Variants in NCAM2 observed in about 807,000 individuals in gnomAD.
NCAM2 encodes neural cell adhesion molecule 2.
In NCAM2, 30 loss-of-function variants were observed where a neutral mutation model predicts 98.1. The observed-to-expected ratio is 0.31, with a 90% CI of 0.23 to 0.41. NCAM2 has a LOEUF of 0.41. Ranked by LOEUF, NCAM2 falls within the 10% of genes least tolerant of loss-of-function variation. NCAM2 has a pLI of 1.00. For synonymous variants in NCAM2, 368 were observed against 342.4 expected (o/e 1.07, Z -0.83); for missense variants, 867 against 1,005.8 (o/e 0.86, Z 1.87).
intron 5 of NCAM2, among the ~76,000 whole-genome samples, chr21:21,317,248 C>T (rs2826789): frequency 0.42 from 63,885 of 151,992 alleles, 14,677 homozygotes; most frequent in Non-Finnish European, 0.53. Context: ...TTTAAACAGC[C>T]TCCTGCTATC....
chr21:21,106,563 A>C (rs1402347867), intron 1 of NCAM2, among the ~76,000 whole-genome samples: 1 of 151,914 alleles, frequency 6.6e-6, no homozygotes, highest in Non-Finnish European at 1.5e-5. Context: ...CATTTTCTCC[A>C]AATATTTTCT....
At chr21:21,011,808 A>T (rs1601085303) in intron 1 of NCAM2, among the ~76,000 whole-genome samples, 3 of 138,132 alleles carry the variant, frequency 2.2e-5, no homozygotes, top group African/African-American at 7.5e-5. Context: ...AACCCAATTT[A>T]AAAAAAGGGG....
At chr21:21,265,276 T>C (rs1304757921) in intron 1 of NCAM2, among the ~76,000 whole-genome samples, 5 of 130,608 alleles carry the variant, frequency 3.8e-5, no homozygotes, top group Non-Finnish European at 8.1e-5. Context: ...CACATATATG[T>C]ACACATATGT....
chr21:21,416,066 A>G (rs768603097), intron 10 of NCAM2, among the ~76,000 whole-genome samples: 31 of 152,104 alleles, frequency 2.0e-4, no homozygotes, highest in Non-Finnish European at 4.1e-4. Context: ...CTTCCTCACT[A>G]AGCTTCATCA....
intron 1 of NCAM2, among the ~76,000 whole-genome samples, chr21:21,102,301 A>G (rs376476542): frequency 2.0e-5 from 3 of 152,054 alleles, no homozygotes; most frequent in African/African-American, 7.2e-5. Flanking sequence ...AAAAAGTACA[A>G]TTTTTACTAG....
At chr21:21,445,572 C>G in intron 12 of NCAM2, among the ~76,000 whole-genome samples, 1 of 152,038 alleles carries the variant, frequency 6.6e-6, no homozygotes, top group East Asian at 1.9e-4. Context: ...GACTTGATCC[C>G]TTTAGCATTA....
At chr21:21,099,730 T>TA (rs2066200475) in intron 1 of NCAM2, among the ~76,000 whole-genome samples, 1 of 151,894 alleles carries the variant, frequency 6.6e-6, no homozygotes, top group Admixed American at 6.6e-5. Flanking sequence ...TAGCTTTAGC[T>TA]AGTTTCCAAG....
At chr21:21,204,885 C>T (rs1287849691) in intron 1 of NCAM2, among the ~76,000 whole-genome samples, 2 of 152,072 alleles carry the variant, frequency 1.3e-5, no homozygotes, top group Non-Finnish European at 2.9e-5. Flanking sequence ...AAATATAGAA[C>T]GTATCCTTTT....
rs373206114 is a variant in NCAM2 at position 21,407,589 on chromosome 21, A to T, written c.1196-2685A>T. Among the ~76,000 whole-genome samples the T allele has an allele frequency of 6.6e-5, 10 of 152,280 alleles. No individual in the cohort carries two copies. The East Asian group carries it at 1.7e-3, about 26-fold the overall frequency. ...GTCAGCTATTAATGTTTCCATTAGG[A>T]TGTATGAATTTCTTATTGGATTGAG... On this transcript the variant is annotated intron_variant, in intron 9 of 17. Transcript: ENST00000400546.
chr21:21,264,500 T>C (rs1360639670), intron 1 of NCAM2, among the ~76,000 whole-genome samples: 1 of 151,910 alleles, frequency 6.6e-6, no homozygotes, highest in Non-Finnish European at 1.5e-5. Context: ...ATTCAGTACC[T>C]AAGCAAAGGA....
chr21:21,444,029 T>A (rs56063599), intron 12 of NCAM2, among the ~76,000 whole-genome samples: 31,561 of 151,874 alleles, frequency 0.21, 3,438 homozygotes, highest in African/African-American at 0.28. Flanking sequence ...TACCTAGCAT[T>A]TTTAGAGTTT....
intron 5 of NCAM2, among the ~76,000 whole-genome samples, chr21:21,296,564 C>T (rs557526346): frequency 7.5e-4 from 114 of 151,722 alleles, no homozygotes; most frequent in African/African-American, 2.6e-3. Flanking sequence ...GGATGACCAT[C>T]GATGCTTTAT....
chr21:21,396,459 G>T (rs2076509046), intron 9 of NCAM2, among the ~76,000 whole-genome samples: 1 of 152,174 alleles, frequency 6.6e-6, no homozygotes, highest in Non-Finnish European at 1.5e-5. Context: ...CACTTTGCCA[G>T]CCAGAAACTT....
At chr21:21,137,300 G>T (rs773852882) in intron 1 of NCAM2, among the ~76,000 whole-genome samples, 6 of 152,226 alleles carry the variant, frequency 3.9e-5, no homozygotes, top group African/African-American at 1.4e-4. Flanking sequence ...TTACTTAAAA[G>T]AAATTATTTA....
chr21:21,527,588 A>G (rs1311283763), intron 16 of NCAM2, among the ~76,000 whole-genome samples: 1 of 152,170 alleles, frequency 6.6e-6, no homozygotes, highest in African/African-American at 2.4e-5. Context: ...CAAATAGTAA[A>G]TAAGCTTATG....
At chr21:21,154,772 G>A (rs2067559735) in intron 1 of NCAM2, among the ~76,000 whole-genome samples, 2 of 151,792 alleles carry the variant, frequency 1.3e-5, no homozygotes, top group East Asian at 3.9e-4. Context: ...AGGATACTCT[G>A]AGTTACAAAT....
intron 5 of NCAM2, among the ~76,000 whole-genome samples, chr21:21,303,819 A>G (rs1485040127): frequency 2.6e-5 from 4 of 152,112 alleles, no homozygotes; most frequent in African/African-American, 4.8e-5. Context: ...ACATCCTAAT[A>G]CATGTTTAGT....
intron 9 of NCAM2, among the ~76,000 whole-genome samples, chr21:21,390,532 AT>A (rs1411683476): frequency 1.3e-5 from 2 of 152,208 alleles, no homozygotes; most frequent in African/African-American, 4.8e-5. Context: ...CATCAAGTGC[AT>A]TTCATAGTGT....
intron 1 of NCAM2, among the ~76,000 whole-genome samples, chr21:21,069,537 A>T (rs1284629599): frequency 1.3e-5 from 2 of 152,144 alleles, no homozygotes; most frequent in African/African-American, 2.4e-5. Flanking sequence ...GGTAAGTTCT[A>T]ATACCTGGTG....
Sources: gnomAD v4.1 joint callset for allele counts (sites outside exome capture counted in the v4.1 genomes callset) on GRCh38, gnomAD v4.1.1 for gene constraint, MANE v1.5 for transcripts, NCBI Gene and HGNC (gene_info 2026-07-23, HGNC 2026-07-21) for gene names.